SCAPER: variants seen among roughly 807,000 people sequenced by gnomAD.
SCAPER encodes the protein S phase cyclin A-associated protein in the endoplasmic reticulum.
A neutral mutation model predicts 182.2 loss-of-function variants in SCAPER; 98 were observed. The ratio of observed to expected loss-of-function variants is 0.54; its 90% CI spans 0.46 to 0.64. The LOEUF (loss-of-function observed/expected upper bound fraction) is 0.64, where lower values mean the gene tolerates loss of function less well. Ranked by LOEUF, SCAPER falls within the 30% of genes least tolerant of loss-of-function variation. The probability of loss-of-function intolerance (pLI) is 0.00; values close to 1 mark genes in which losing one functional copy is unlikely to be tolerated. For synonymous variants in SCAPER, 605 were observed against 564.6 expected, an observed-to-expected ratio of 1.07 and a Z score of -1.01; for missense variants, 1,432 against 1,690.0, an observed-to-expected ratio of 0.85 and a Z score of 2.68.
At chr15:76,667,993 T>G (rs373153912) in intron 20 of SCAPER, among the ~76,000 whole-genome samples, 8 of 151,944 alleles carry the variant, frequency 5.3e-5, no homozygotes, top group African/African-American at 1.9e-4. Flanking sequence ...CTCCTCAAAA[T>G]CTCCAGTTAG....
Position 76,617,218 on chromosome 15 carries a change from G to C in SCAPER, c.2711+4546C>G, listed in dbSNP as rs140443494. On this transcript the variant is annotated intron_variant, in intron 22 of 31. Coordinates refer to ENST00000563290, the MANE Select transcript of SCAPER (RefSeq NM_020843.4). Reference sequence around the variant, plus strand: ...CCTGTGTCTAGAAGTTTATTTAGAAGGGACTTTGACATTTCCTCTGTTTTC... The same window carrying C: ...CCTGTGTCTAGAAGTTTATTTAGAACGGACTTTGACATTTCCTCTGTTTTC... 2.1e-3 allele frequency among the ~76,000 whole-genome samples: 325 copies of C among 152,228 alleles called. 3 individuals are homozygous for C. Among genetic ancestry groups the C allele is most frequent in the African/African-American group, 7.4e-3 (308 of 41,534 alleles).
At chr15:76,536,315 G>A (rs918961679) in intron 23 of SCAPER, among the ~76,000 whole-genome samples, 1 of 152,064 alleles carries the variant, frequency 6.6e-6, no homozygotes, top group African/African-American at 2.4e-5. Context: ...GCAACATAGA[G>A]AGACCTTGTC....
At chr15:76,549,696 C>T (rs529877484) in intron 23 of SCAPER, among the ~76,000 whole-genome samples, 37 of 151,710 alleles carry the variant, frequency 2.4e-4, no homozygotes, top group African/African-American at 7.5e-4. Context: ...TGTATGCATA[C>T]GTAACTAACC....
intron 26 of SCAPER, among the ~76,000 whole-genome samples, chr15:76,417,538 G>C (rs1255268091): frequency 6.6e-6 from 1 of 152,172 alleles, no homozygotes; most frequent in Non-Finnish European, 1.5e-5. Flanking sequence ...TCATTGATAA[G>C]GTCAGAGGAC....
At chr15:76,871,366 A>AC (rs1159401803) in intron 2 of SCAPER, among the ~76,000 whole-genome samples, 1 of 146,818 alleles carries the variant, frequency 6.8e-6, no homozygotes, top group East Asian at 2.0e-4. Context: ...CTGAGATCGC[A>AC]CCACTGCACT....
intron 8 of SCAPER, among the ~76,000 whole-genome samples, chr15:76,791,268 G>A (rs1469806947): frequency 6.6e-6 from 1 of 152,156 alleles, no homozygotes; most frequent in Non-Finnish European, 1.5e-5. Flanking sequence ...TACAGTTATA[G>A]CCACAGTGAA....
intron 5 of SCAPER, among the ~76,000 whole-genome samples, chr15:76,815,717 G>A (rs778821287): frequency 1.3e-5 from 2 of 152,100 alleles, no homozygotes; most frequent in South Asian, 2.1e-4. Context: ...TATTGTGAGC[G>A]GCACATGTGA....
At chr15:76,628,811 T>A (rs1410875895) in intron 21 of SCAPER, among the ~76,000 whole-genome samples, 1 of 152,246 alleles carries the variant, frequency 6.6e-6, no homozygotes, top group Admixed American at 6.5e-5. Flanking sequence ...CTGTGAAGAA[T>A]GTCAATGATA....
chr15:76,754,040 T>C, intron 14 of SCAPER, 92 bp from the exon 15 acceptor site: 3 of 1,355,862 alleles, frequency 2.2e-6, no homozygotes, highest in Non-Finnish European at 2.0e-6. Context: ...AAATATAAAC[T>C]CTAAGCGTGG....
At chr15:76,764,339 T>C (rs796584127) in intron 14 of SCAPER, among the ~76,000 whole-genome samples, 13 of 152,338 alleles carry the variant, frequency 8.5e-5, no homozygotes, top group African/African-American at 2.9e-4. Flanking sequence ...CAGCAGCACC[T>C]CTGTGTTAAG....
chr15:76,723,210 T>C (rs1281822799), intron 17 of SCAPER, among the ~76,000 whole-genome samples: 1 of 152,196 alleles, frequency 6.6e-6, no homozygotes, highest in Non-Finnish European at 1.5e-5. Flanking sequence ...CAGGAGCCGG[T>C]TGTTCAGTTT....
intron 26 of SCAPER, among the ~76,000 whole-genome samples, chr15:76,414,894 T>G (rs1389315517): frequency 6.6e-6 from 1 of 152,214 alleles, no homozygotes; most frequent in African/African-American, 2.4e-5. Flanking sequence ...TGTGTTTACT[T>G]AAGTTTATTT....
At chr15:76,543,076 A>G (rs1450271504) in intron 23 of SCAPER, among the ~76,000 whole-genome samples, 1 of 152,186 alleles carries the variant, frequency 6.6e-6, no homozygotes. Flanking sequence ...GATTTTAAAT[A>G]GTATGTATGT....
chr15:76,758,703 T>G (rs2151227953), intron 14 of SCAPER, among the ~76,000 whole-genome samples: 1 of 152,306 alleles, frequency 6.6e-6, no homozygotes, highest in East Asian at 1.9e-4. Flanking sequence ...AAATATTAAT[T>G]CTTCTAATCC....
At chr15:76,871,119 T>C (rs1184743036) in intron 2 of SCAPER, among the ~76,000 whole-genome samples, 2 of 152,014 alleles carry the variant, frequency 1.3e-5, no homozygotes, top group Admixed American at 6.5e-5. Context: ...ATTTAAAAAC[T>C]AATAAAAGGG....
At chr15:76,582,349 T>C (rs2048330099) in intron 22 of SCAPER, among the ~76,000 whole-genome samples, 1 of 152,106 alleles carries the variant, frequency 6.6e-6, no homozygotes, top group South Asian at 2.1e-4. Context: ...CTAATCATAT[T>C]TACAATAGCT....
chr15:76,686,931 A>G (rs1216592421), intron 20 of SCAPER, among the ~76,000 whole-genome samples: 1 of 152,166 alleles, frequency 6.6e-6, no homozygotes, highest in Admixed American at 6.5e-5. Flanking sequence ...GGATCTATCA[A>G]GCAACATTAA....
chr15:76,372,849 T>C (rs936803092), intron 29 of SCAPER, among the ~76,000 whole-genome samples: 3 of 152,120 alleles, frequency 2.0e-5, no homozygotes, highest in Non-Finnish European at 4.4e-5. Context: ...TAATGTTAAG[T>C]GCATAAAGCA....
intron 4 of SCAPER, 22 bp downstream of exon 4, chr15:76,857,787 A>T: frequency 7.0e-7 from 1 of 1,429,152 alleles, no homozygotes; most frequent in Non-Finnish European, 9.4e-7. Context: ...GTAAATAAGT[A>T]AAAAAGTTAT....
Sources: gnomAD v4.1 joint callset for allele counts (sites outside exome capture counted in the v4.1 genomes callset) on GRCh38, gnomAD v4.1.1 for gene constraint, MANE v1.5 for transcripts, NCBI Gene and HGNC (gene_info 2026-07-23, HGNC 2026-07-21) for gene names.